Variants in PTPN13 observed in about 807,000 individuals in gnomAD.
The protein encoded by PTPN13 is protein tyrosine phosphatase non-receptor type 13.
In PTPN13, 191 loss-of-function variants were observed where a neutral mutation model predicts 284.0. That is an observed-to-expected ratio of 0.67 (90% CI 0.60 to 0.76). PTPN13 has a LOEUF of 0.76. Among genes scored for constraint, PTPN13 ranks in the 30% least tolerant of loss-of-function variants. The pLI is 0.00. For synonymous variants in PTPN13, 986 were observed against 1,022.3 expected, an observed-to-expected ratio of 0.96 and a Z score of 0.68; for missense variants, 2,797 against 2,939.9, an observed-to-expected ratio of 0.95 and a Z score of 1.12.
intron 3 of PTPN13, among the ~76,000 whole-genome samples, chr4:86,672,867 C>G (rs932082853): frequency 6.6e-6 from 1 of 152,174 alleles, no homozygotes; most frequent in African/African-American, 2.4e-5. Flanking sequence ...ACAGAACAAT[C>G]TGTAACAGCA....
intron 23 of PTPN13, among the ~76,000 whole-genome samples, chr4:86,762,108 G>C (rs949367330): frequency 2.0e-5 from 3 of 152,172 alleles, no homozygotes; most frequent in African/African-American, 4.8e-5. Flanking sequence ...GAGCAGCTGG[G>C]ACTCCAGGTG....
intron 7 of PTPN13, among the ~76,000 whole-genome samples, chr4:86,714,246 T>C (rs896551790): frequency 2.6e-5 from 4 of 152,132 alleles, no homozygotes; most frequent in East Asian, 1.9e-4. Flanking sequence ...CCAAACAGGC[T>C]CCCAAGAGGT....
chr4:86,775,799 TG>T, intron 35 of PTPN13, 147 bp downstream of exon 35: 1 of 662,050 alleles, frequency 1.5e-6, no homozygotes, highest in Non-Finnish European at 2.5e-6. Context: ...ACAGACTTCT[TG>T]ATAGGCGATT....
intron 30 of PTPN13, 91 bp downstream of exon 30, chr4:86,770,290 C>A: frequency 8.1e-7 from 1 of 1,236,628 alleles, no homozygotes; most frequent in Non-Finnish European, 1.2e-6. Flanking sequence ...ATGAATTGTT[C>A]TCCTGGGTTT....
rs1157805914 is a variant in PTPN13 at position 86,728,560 on chromosome 4, A to C, written c.1609-3840A>C. Among the ~76,000 whole-genome samples, 3 of 135,340 alleles carry C rather than the reference A, an allele frequency of 2.2e-5. No homozygotes were observed. In the East Asian group the frequency reaches 6.4e-4, roughly 29 times the overall value. 88.8% of individuals were successfully genotyped at this position (135,340 alleles called of 152,430 possible). ...TTCTTGTTGAATTGATCCCTTTACC[A>C]TTATGTAATGGCCTTCTTTGTCTCT... On this transcript the variant is annotated intron_variant, in intron 10 of 47. Transcript: ENST00000411767.
intron 2 of PTPN13, among the ~76,000 whole-genome samples, chr4:86,661,353 C>G (rs1439690315): frequency 6.6e-6 from 1 of 152,004 alleles, no homozygotes; most frequent in African/African-American, 2.4e-5. Flanking sequence ...TATCTTTTCT[C>G]CAATATAGAA....
chr4:86,796,974 T>C, intron 41 of PTPN13, 45 bp downstream of exon 41: 2 of 1,137,450 alleles, frequency 1.8e-6, no homozygotes, highest in Non-Finnish European at 2.6e-6. Flanking sequence ...TCTGTCTATC[T>C]ATAAATGCTC....
rs528068376 is a variant in PTPN13, at chr4:86,680,944, A to AG, written c.295-5764dup. Among the ~76,000 whole-genome samples, 17 of 152,314 alleles carry AG rather than the reference A, an allele frequency of 1.1e-4. No homozygotes were observed. The South Asian group carries it at 3.5e-3, about 32-fold the overall frequency. On this transcript the variant is annotated intron_variant, in intron 3 of 47. Transcript: ENST00000411767. ...ATATGTCCAACACTATAAAAGGTCA[A>AG]GGAGATACAAAGATGAATAAGGAGT...
intron 4 of PTPN13, 58 bp downstream of exon 4, chr4:86,686,833 T>C (rs1729512397): frequency 8.5e-7 from 1 of 1,169,714 alleles, no homozygotes; most frequent in Non-Finnish European, 1.2e-6. Flanking sequence ...TTACACCTTA[T>C]ATCATAGCTC....
intron 40 of PTPN13, among the ~76,000 whole-genome samples, chr4:86,792,736 A>G (rs1231686934): frequency 6.6e-6 from 1 of 152,216 alleles, no homozygotes; most frequent in Non-Finnish European, 1.5e-5. Flanking sequence ...TGTTCAACTC[A>G]GAATCTCATA....
Position 86,762,954 on chromosome 4 carries a change from G to A in PTPN13, c.3781G>A (p.Val1261Ile). 1.9e-6 allele frequency: 3 copies of A among 1,613,790 alleles called. No homozygotes were observed. The highest frequency in any genetic ancestry group is 2.5e-6 in the Non-Finnish European group (3 of 1,179,836). The change falls in exon 24 of 48, where the codon GTC (valine) becomes ATC (isoleucine). Residue 1261 changes from valine (V) to isoleucine (I), a missense_variant. Physicochemically the swap from Val to Ile is conservative, Grantham distance 29 (BLOSUM62 3). Coordinates refer to ENST00000411767, the MANE Select transcript of PTPN13 (RefSeq NM_080683.3). Reference sequence around the variant, plus strand: ...GAGTGCCAGCTTGTCTCAAAGCCAGGTCAATGGTTTCTTTGCCAGCCATTT... The same window carrying A: ...GAGTGCCAGCTTGTCTCAAAGCCAGATCAATGGTTTCTTTGCCAGCCATTT... The part of the protein sequence containing the change: ...TESASLSQSQ[V>I]NGFFASHLGD...
In PTPN13 at chr4:86,799,825, C is replaced by CTT. The variant is rs925434357; in HGVS notation, c.6505+648_6505+649dup. Among the ~76,000 whole-genome samples, 661 of 83,240 alleles carry CTT rather than the reference C, an allele frequency of 7.9e-3. 83 individuals carry two copies. Among genetic ancestry groups the CTT allele is most frequent in the Middle Eastern group, 0.019 (2 of 104 alleles). 54.6% of individuals were successfully genotyped at this position (83,240 alleles called of 152,430 possible). A position where few individuals can be genotyped will look rare whatever the true frequency, so the allele number is the denominator to read the frequency against. On this transcript the variant is annotated intron_variant, in intron 42 of 47. Coordinates refer to ENST00000411767, the MANE Select transcript of PTPN13 (RefSeq NM_080683.3). ...TTCTGGAAGGAGAAGTCAAGGGGCACTTTTTTTTTTTTTTTTTTTTTTTTT... is the reference window on the plus strand; with the variant it reads ...TTCTGGAAGGAGAAGTCAAGGGGCACTTTTTTTTTTTTTTTTTTTTTTTTTTT...
intron 37 of PTPN13, among the ~76,000 whole-genome samples, chr4:86,782,949 A>T (rs1376753378): frequency 6.6e-6 from 1 of 152,140 alleles, no homozygotes; most frequent in Non-Finnish European, 1.5e-5. Context: ...TCAGAGCTAG[A>T]TCTTCATTTC....
intron 38 of PTPN13, among the ~76,000 whole-genome samples, chr4:86,784,822 G>A (rs1264269322): frequency 6.6e-6 from 1 of 152,106 alleles, no homozygotes; most frequent in Non-Finnish European, 1.5e-5. Context: ...CAATTCACAG[G>A]CTACCTAATA....
At chr4:86,647,710 C>T (rs114471216) in intron 2 of PTPN13, among the ~76,000 whole-genome samples, 1,633 of 151,966 alleles carry the variant, frequency 0.011, 15 homozygotes, top group Non-Finnish European at 0.015. Context: ...TGTTAAAATA[C>T]AGTTATTAAG....
At chr4:86,660,851 A>T (rs1726404083) in intron 2 of PTPN13, among the ~76,000 whole-genome samples, 3 of 152,168 alleles carry the variant, frequency 2.0e-5, no homozygotes, top group African/African-American at 7.2e-5. Context: ...CAGATGTTCT[A>T]AACAGCCAGT....
intron 3 of PTPN13, among the ~76,000 whole-genome samples, chr4:86,685,993 A>G (rs1396557230): frequency 1.3e-5 from 2 of 152,244 alleles, no homozygotes; most frequent in Non-Finnish European, 2.9e-5. Context: ...TTAACCACTA[A>G]TGGAATTCTA....
chr4:86,777,534 C>T (rs1011942568), intron 35 of PTPN13, among the ~76,000 whole-genome samples: 1 of 152,094 alleles, frequency 6.6e-6, no homozygotes, highest in East Asian at 1.9e-4. Context: ...GTAATATCTT[C>T]AGAGGTTCTG....
At chr4:86,726,462 TC>T (rs1565424060) in intron 10 of PTPN13, among the ~76,000 whole-genome samples, 1 of 149,496 alleles carries the variant, frequency 6.7e-6, no homozygotes, top group African/African-American at 2.4e-5. Context: ...CATGGAATTT[TC>T]TTCCATTTGT....
Sources: gnomAD v4.1 joint callset for allele counts (sites outside exome capture counted in the v4.1 genomes callset) on GRCh38, gnomAD v4.1.1 for gene constraint, MANE v1.5 for transcripts, NCBI Gene and HGNC (gene_info 2026-07-23, HGNC 2026-07-21) for gene names.